NAALADL2: variants seen among roughly 807,000 people sequenced by gnomAD.
The protein encoded by NAALADL2 is inactive N-acetylated-alpha-linked acidic dipeptidase-like protein 2.
Under a neutral mutation model 87.2 loss-of-function variants are expected in NAALADL2, and 76 were observed. The ratio of observed to expected loss-of-function variants is 0.87; its 90% CI spans 0.72 to 1.05. NAALADL2 has a LOEUF of 1.05. NAALADL2 is among the 50% of genes least tolerant of loss of function. NAALADL2 has a pLI of 0.00. For synonymous variants in NAALADL2, 354 were observed against 331.0 expected (o/e 1.07, Z -0.75); for missense variants, 1,089 against 945.8 (o/e 1.15, Z -1.99).
intron 9 of NAALADL2, among the ~76,000 whole-genome samples, chr3:175,535,343 A>G (rs1368933064): frequency 6.6e-6 from 1 of 152,150 alleles, no homozygotes; most frequent in African/African-American, 2.4e-5. Context: ...ATTATCAGCC[A>G]TGTCTCAGTT....
intron 2 of NAALADL2, among the ~76,000 whole-genome samples, chr3:174,616,531 A>G (rs1182524894): frequency 6.6e-6 from 1 of 151,968 alleles, no homozygotes; most frequent in Non-Finnish European, 1.5e-5. Flanking sequence ...TGCAATTTCT[A>G]GTACTAAGAA....
At chr3:175,446,993 C>T (rs939387904) in intron 5 of NAALADL2, among the ~76,000 whole-genome samples, 3 of 152,110 alleles carry the variant, frequency 2.0e-5, no homozygotes, top group African/African-American at 7.2e-5. Context: ...GAGGTAAGTG[C>T]ATATGTGCAA....
rs1310604173 is a variant in NAALADL2 at position 175,721,013 on chromosome 3, ATAAC to A, written c.1897-16289_1897-16286del. Among the ~76,000 whole-genome samples the A allele has an allele frequency of 5.9e-5, 9 of 152,244 alleles. No individual in the cohort carries two copies. In the East Asian group the frequency reaches 1.7e-3, roughly 29 times the overall value. ...AAAAATGGTGAAGATGTGAATAAGT[ATAAC>A]TAATTTTTGACTATAAAGAAAACCA... On this transcript the variant is annotated intron_variant, in intron 11 of 13. Transcript: ENST00000454872.
At chr3:175,437,360 A>G (rs1163744062) in intron 5 of NAALADL2, among the ~76,000 whole-genome samples, 8 of 146,420 alleles carry the variant, frequency 5.5e-5, no homozygotes, top group South Asian at 4.5e-4. Context: ...ATTGCTTCCA[A>G]GAGAATAAAA....
At chr3:175,455,970 G>A (rs9813318) in intron 6 of NAALADL2, among the ~76,000 whole-genome samples, 95,844 of 151,806 alleles carry the variant, frequency 0.63, 31,450 homozygotes, top group South Asian at 0.76. Context: ...GACTCTAGAA[G>A]AACTATGCCT....
At chr3:174,592,914 G>A (rs1717525895) in intron 2 of NAALADL2, among the ~76,000 whole-genome samples, 1 of 151,960 alleles carries the variant, frequency 6.6e-6, no homozygotes, top group Non-Finnish European at 1.5e-5. Flanking sequence ...ATGTGTGTGT[G>A]TGAGAGAGAG....
At chr3:175,370,033 CAT>C (rs1436413664) in intron 5 of NAALADL2, among the ~76,000 whole-genome samples, 2 of 152,156 alleles carry the variant, frequency 1.3e-5, no homozygotes, top group African/African-American at 4.8e-5. Context: ...AATATTGTCA[CAT>C]GTCATCTGAG....
At chr3:174,966,675 C>T (rs1742921874) in intron 1 of NAALADL2, among the ~76,000 whole-genome samples, 1 of 152,096 alleles carries the variant, frequency 6.6e-6, no homozygotes, top group African/African-American at 2.4e-5. Context: ...CAGCTTAATA[C>T]ATATGAAATT....
chr3:175,140,306 T>C (rs1386621783), intron 2 of NAALADL2, among the ~76,000 whole-genome samples: 1 of 152,140 alleles, frequency 6.6e-6, no homozygotes, highest in African/African-American at 2.4e-5. Flanking sequence ...ACCCATTAGA[T>C]GTCAGGTATT....
At chr3:175,622,770 A>C (rs539780532) in intron 10 of NAALADL2, among the ~76,000 whole-genome samples, 1 of 152,170 alleles carries the variant, frequency 6.6e-6, no homozygotes, top group Non-Finnish European at 1.5e-5. Flanking sequence ...ATGAATAAAA[A>C]TTAAAACTTA....
At chr3:175,528,771 T>C (rs528220888) in intron 9 of NAALADL2, among the ~76,000 whole-genome samples, 1 of 152,284 alleles carries the variant, frequency 6.6e-6, no homozygotes, top group East Asian at 1.9e-4. Context: ...AGTCAATAAA[T>C]CTTATGTCAC....
chr3:174,485,214 T>G (rs1346271934), intron 1 of NAALADL2, among the ~76,000 whole-genome samples: 1 of 151,976 alleles, frequency 6.6e-6, no homozygotes, highest in Non-Finnish European at 1.5e-5. Context: ...AGCATTTACA[T>G]TGCATGAGGT....
chr3:175,668,336 T>TGATAA (rs1266660876), intron 11 of NAALADL2, among the ~76,000 whole-genome samples: 13 of 152,282 alleles, frequency 8.5e-5, no homozygotes, highest in African/African-American at 3.1e-4. Flanking sequence ...CACAGATCTT[T>TGATAA]TTTATGAGCT....
At chr3:175,123,396 C>T (rs1451011313) in intron 2 of NAALADL2, among the ~76,000 whole-genome samples, 1 of 151,906 alleles carries the variant, frequency 6.6e-6, no homozygotes, top group African/African-American at 2.4e-5. Flanking sequence ...TTTTTAACTT[C>T]CGAGTACTTG....
intron 1 of NAALADL2, among the ~76,000 whole-genome samples, chr3:174,489,744 A>G (rs1384269388): frequency 6.6e-6 from 1 of 152,134 alleles, no homozygotes; most frequent in East Asian, 1.9e-4. Context: ...ATTACACATC[A>G]GGGAATTGCA....
chr3:175,808,832 T>G lies in NAALADL2; in HGVS notation c.*5629T>G, dbSNP rs1754919635. ...ACAAACGTGGCATCTGAATAGAAGC[T>G]TAGCTAGAGAAGTGGAGTTAGAGTC... On this transcript the variant is annotated 3_prime_UTR_variant, in exon 14 of 14. Coordinates refer to ENST00000454872, the MANE Select transcript of NAALADL2 (RefSeq NM_207015.3). 1 of 151,980 alleles carries G rather than the reference T, an allele frequency of 6.6e-6. No homozygotes were observed. Among genetic ancestry groups the G allele is most frequent in the Admixed American group, 6.6e-5 (1 of 15,210 alleles). The allele number at this position is 151,980 out of a possible 1,614,324, so 9.4% of individuals were successfully genotyped here. A position where few individuals can be genotyped will look rare whatever the true frequency, so the allele number is the denominator to read the frequency against.
In NAALADL2 at chr3:174,451,027, A is replaced by G. The variant is rs532140223; in HGVS notation, c.-184+9995A>G. ...TTTTAATTTTACTTAGAATGAGAAA[A>G]TAAATTTATTTTAATGGTTATTCGA... On this transcript the variant is annotated intron_variant, in intron 1 of 3. Transcript: ENST00000434257. Among the ~76,000 whole-genome samples, 9 of 152,330 alleles carry G rather than the reference A, an allele frequency of 5.9e-5. No homozygotes were observed. The East Asian group carries it at 1.7e-3, about 29-fold the overall frequency.
intron 5 of NAALADL2, among the ~76,000 whole-genome samples, chr3:175,425,940 TA>T (rs1475266111): frequency 6.6e-6 from 1 of 152,196 alleles, no homozygotes; most frequent in Non-Finnish European, 1.5e-5. Flanking sequence ...ATATAATTGA[TA>T]AAAAGTACTT....
chr3:175,382,209 A>G (rs1256667957), intron 5 of NAALADL2, among the ~76,000 whole-genome samples: 1 of 152,194 alleles, frequency 6.6e-6, no homozygotes, highest in East Asian at 1.9e-4. Flanking sequence ...ATAGAAAAAT[A>G]AATGAAGTCA....
Sources: gnomAD v4.1 joint callset for allele counts (sites outside exome capture counted in the v4.1 genomes callset) on GRCh38, gnomAD v4.1.1 for gene constraint, MANE v1.5 for transcripts, NCBI Gene and HGNC (gene_info 2026-07-23, HGNC 2026-07-21) for gene names.